The following VPS13A variants were observed in gnomAD, a reference collection of about 807,000 sequenced individuals.
The protein encoded by VPS13A is intermembrane lipid transfer protein VPS13A.
Under a neutral mutation model 390.9 loss-of-function variants are expected in VPS13A, and 264 were observed. That is an observed-to-expected ratio of 0.68 (90% confidence interval 0.61 to 0.75). The LOEUF (loss-of-function observed/expected upper bound fraction) is 0.75. VPS13A is among the 30% of genes least tolerant of loss of function. The pLI, the probability that VPS13A is intolerant of heterozygous loss-of-function variation, is 0.00. For missense variants in VPS13A, 3,409 were observed against 3,733.9 expected, an observed-to-expected ratio of 0.91 and a Z score of 2.27; for synonymous variants, 1,231 against 1,227.1, an observed-to-expected ratio of 1.00 and a Z score of -0.07.
At chr9:77,341,861 A>G (rs1830846239) in intron 50 of VPS13A, among the ~76,000 whole-genome samples, 1 of 151,810 alleles carries the variant, frequency 6.6e-6, no homozygotes, top group African/African-American at 2.4e-5. Flanking sequence ...GTGACTTGCA[A>G]TATAATAGTT....
intron 7 of VPS13A, among the ~76,000 whole-genome samples, chr9:77,212,410 T>C (rs534132191): frequency 3.9e-5 from 6 of 152,300 alleles, no homozygotes; most frequent in Middle Eastern, 3.4e-3. Context: ...AATTTTTAGT[T>C]ACATGTTATA....
At chr9:77,297,805 G>A (rs1828105416) in intron 33 of VPS13A, among the ~76,000 whole-genome samples, 2 of 152,000 alleles carry the variant, frequency 1.3e-5, no homozygotes, top group Admixed American at 1.3e-4. Flanking sequence ...AAATATAGTG[G>A]GCTGGTGCAT....
chr9:77,222,723 C>T (rs1248525496), intron 13 of VPS13A, among the ~76,000 whole-genome samples: 1 of 152,166 alleles, frequency 6.6e-6, no homozygotes, highest in Non-Finnish European at 1.5e-5. Flanking sequence ...GTGATCTTTG[C>T]TGTTACTGTT....
chr9:77,247,397 T>G lies in VPS13A; in HGVS notation c.2037+2T>G. ...CTTTTGGACCTTGGTCATCTAAAGG[T>G]ATATACTAATAATATTTGATTTATG... On this transcript the variant is annotated splice_donor_variant, in intron 20 of 71. Transcript: ENST00000360280. LOFTEE classifies it high-confidence loss of function. The G allele has an allele frequency of 6.2e-7, 1 of 1,605,368 alleles. No individual in the cohort carries two copies. The highest frequency in any genetic ancestry group is 2.2e-5 in the East Asian group (1 of 44,632).
At position 77,273,320 on chromosome 9, in the gene VPS13A, A is replaced by G; in HGVS notation, c.2468A>G (p.Gln823Arg). 2 of 1,612,386 alleles carry G rather than the reference A, an allele frequency of 1.2e-6. No individual in the cohort carries two copies. The highest frequency in any genetic ancestry group is 1.7e-6 in the Non-Finnish European group (2 of 1,179,214). The change falls in exon 24 of 72, where the codon CAG becomes CGG. Residue 823 changes from glutamine to arginine, a missense_variant. Gln to Arg is a conservative substitution (Grantham distance 43). This residue lies in a region of VPS13A where 2,717 missense variants were observed against 2,917.4 expected (regional missense o/e 0.93). Coordinates refer to ENST00000360280, the MANE Select transcript of VPS13A (RefSeq NM_033305.3). ...TCTTTGGGAACATCACAGATTTCAC[A>G]GAAAATAATTCCTCTCTTGGAACTT... ...STSLGTSQIS[Q>R]KIIPLLELPS...
At chr9:77,206,544 T>G (rs2131127797) in intron 5 of VPS13A, among the ~76,000 whole-genome samples, 1 of 152,260 alleles carries the variant, frequency 6.6e-6, no homozygotes, top group South Asian at 2.1e-4. Flanking sequence ...CTTCACATAT[T>G]TTCCAATTAA....
intron 19 of VPS13A, among the ~76,000 whole-genome samples, chr9:77,239,341 C>T (rs1824333118): frequency 6.6e-6 from 1 of 151,644 alleles, no homozygotes. Context: ...CCAGGTTTCA[C>T]CAGCCTGGCG....
intron 1 of VPS13A, among the ~76,000 whole-genome samples, chr9:77,185,877 A>G (rs1447682735): frequency 6.6e-6 from 1 of 152,208 alleles, no homozygotes; most frequent in Non-Finnish European, 1.5e-5. Flanking sequence ...CTGTAATTCC[A>G]GCATTTTGGG....
intron 31 of VPS13A, among the ~76,000 whole-genome samples, chr9:77,284,785 C>T (rs1827238186): frequency 6.6e-6 from 1 of 151,890 alleles, no homozygotes. Context: ...CTCACTGAAA[C>T]CTCCACCTCC....
intron 26 of VPS13A, 105 bp from the exon 27 acceptor site, chr9:77,280,054 A>G: frequency 1.2e-6 from 1 of 821,958 alleles, no homozygotes; most frequent in Non-Finnish European, 1.9e-6. Flanking sequence ...TCCAGAACTC[A>G]TATAGGAAAG....
At chr9:77,204,019 G>T (rs1390140739) in intron 3 of VPS13A, among the ~76,000 whole-genome samples, 1 of 152,038 alleles carries the variant, frequency 6.6e-6, no homozygotes, top group African/African-American at 2.4e-5. Flanking sequence ...GTGAGACTGT[G>T]ACTCTACAAA....
chr9:77,341,235 G>C (rs936106891), intron 50 of VPS13A, among the ~76,000 whole-genome samples: 1 of 151,938 alleles, frequency 6.6e-6, no homozygotes, highest in Non-Finnish European at 1.5e-5. Flanking sequence ...GACAATGATC[G>C]GGATATAAAC....
Position 77,419,264 on chromosome 9 carries a change from T to C in VPS13A, c.*3258T>C, listed in dbSNP as rs1587746952. The C allele has an allele frequency of 6.6e-6, 1 of 152,192 alleles. No homozygotes were observed. Among genetic ancestry groups the C allele is most frequent in the African/African-American group, 2.4e-5 (1 of 41,456 alleles). 9.4% of individuals were successfully genotyped at this position (152,192 alleles called of 1,614,324 possible). ...AACTTAACAGCTCAAGACCAGTATA[T>C]TTTAAACGTGAAATAATAAAAAATA... is the stretch of plus-strand genomic sequence containing the variant. On this transcript the variant is annotated 3_prime_UTR_variant, in exon 72 of 72. Coordinates refer to ENST00000360280, the MANE Select transcript of VPS13A (RefSeq NM_033305.3).
In VPS13A at chr9:77,371,137, AG is replaced by A. The variant is rs1480778616; in HGVS notation, c.9068del (p.Gly3023GlufsTer2). The A allele has an allele frequency of 9.3e-6, 15 of 1,613,958 alleles. No individual in the cohort carries two copies. The highest frequency in any genetic ancestry group is 1.3e-5 in the Non-Finnish European group (15 of 1,179,958). ...GIIDMASSTF[Q>X]GIKRATETSE... ...ATAGACATGGCTAGCAGTACATTTC[AG>A]GGAATAAAAAGGTAAATCCTCTTTG... On this transcript the variant is annotated frameshift_variant, in exon 67 of 72. Transcript: ENST00000360280. LOFTEE classifies it high-confidence loss of function.
chr9:77,330,444 A>G (rs1224683715), intron 45 of VPS13A, among the ~76,000 whole-genome samples: 1 of 152,156 alleles, frequency 6.6e-6, no homozygotes, highest in Non-Finnish European at 1.5e-5. Context: ...CTCAGCTTCC[A>G]ACCAACTTTT....
At chr9:77,204,506 TTATATG>T (rs1589992677) in intron 3 of VPS13A, among the ~76,000 whole-genome samples, 1 of 152,310 alleles carries the variant, frequency 6.6e-6, no homozygotes, top group East Asian at 1.9e-4. Context: ...TATATATAGT[TTATATG>T]TATGATTATT....
intron 7 of VPS13A, 134 bp downstream of exon 7, chr9:77,210,809 T>C: frequency 2.3e-6 from 2 of 870,994 alleles, no homozygotes; most frequent in South Asian, 2.8e-5. Flanking sequence ...TTCATTGGAT[T>C]GGAATCGAGG....
At chr9:77,238,528 T>A in intron 19 of VPS13A, 142 bp downstream of exon 19, 3 of 728,742 alleles carry the variant, frequency 4.1e-6, no homozygotes, top group Non-Finnish European at 7.1e-6. Flanking sequence ...ACTAATTTAG[T>A]ACTTTTATGT....
chr9:77,248,633 G>A (rs1824970947), intron 20 of VPS13A, among the ~76,000 whole-genome samples: 1 of 151,988 alleles, frequency 6.6e-6, no homozygotes, highest in African/African-American at 2.4e-5. Context: ...AGCCACATGG[G>A]GTTATTTAAA....
Sources: gnomAD v4.1 joint callset for allele counts (sites outside exome capture counted in the v4.1 genomes callset) on GRCh38, gnomAD v4.1.1 for gene constraint, gnomAD v4.1.1 regional missense constraint, MANE v1.5 for transcripts, NCBI Gene and HGNC (gene_info 2026-07-23, HGNC 2026-07-21) for gene names.